Variants in ZFP14 observed in about 807,000 individuals in gnomAD.
ZFP14 encodes the protein zinc finger protein 14 homolog.
In ZFP14, 22 loss-of-function variants were observed where a neutral mutation model predicts 54.5. The ratio of observed to expected loss-of-function variants is 0.40; its 90% CI spans 0.29 to 0.58. The LOEUF is 0.58. Among genes scored for constraint, ZFP14 ranks in the 20% least tolerant of loss-of-function variants. The pLI is 0.39. For synonymous variants in ZFP14, 159 were observed against 204.0 expected, an observed-to-expected ratio of 0.78 and a Z score of 1.88; for missense variants, 470 against 637.8, an observed-to-expected ratio of 0.74 and a Z score of 2.83.
intron 4 of ZFP14, among the ~76,000 whole-genome samples, chr19:36,359,906 C>T (rs962783572): frequency 2.0e-4 from 30 of 152,090 alleles, no homozygotes; most frequent in African/African-American, 6.3e-4. Flanking sequence ...CAGCCTGCCT[C>T]GGCCTCCCAA....
intron 3 of ZFP14, 50 bp downstream of exon 3, chr19:36,362,062 T>C (rs527428310): frequency 1.0e-4 from 155 of 1,539,698 alleles, no homozygotes; most frequent in Admixed American, 8.1e-4. Context: ...AATATAGTCC[T>C]GAAATTGACA....
Position 36,379,167 on chromosome 19 carries a change from C to G in ZFP14, c.-84G>C, listed in dbSNP as rs1288951440. The G allele has an allele frequency of 6.5e-6, 1 of 152,738 alleles. No individual in the cohort carries two copies. 9.5% of individuals were successfully genotyped at this position (152,738 alleles called of 1,614,324 possible). A position where few individuals can be genotyped will look rare whatever the true frequency, so the allele number is the denominator to read the frequency against. ...CGGTGCAAGCGACCAACTCACCTCTCGGAGCCGACACCAGCAGCGAAGCCG... is the reference window on the plus strand; with the variant it reads ...CGGTGCAAGCGACCAACTCACCTCTGGGAGCCGACACCAGCAGCGAAGCCG... On this transcript the variant is annotated 5_prime_UTR_variant, in exon 1 of 5. Coordinates refer to ENST00000270001, the MANE Select transcript of ZFP14 (RefSeq NM_020917.3).
At chr19:36,346,186 G>T (rs551026029) in intron 4 of ZFP14, among the ~76,000 whole-genome samples, 9 of 152,200 alleles carry the variant, frequency 5.9e-5, no homozygotes, top group Admixed American at 3.3e-4. Context: ...TCGAAAGACT[G>T]AGGGAAAGAG....
intron 2 of ZFP14, among the ~76,000 whole-genome samples, chr19:36,367,383 T>C (rs1214253361): frequency 6.6e-6 from 1 of 152,134 alleles, no homozygotes; most frequent in African/African-American, 2.4e-5. Flanking sequence ...ACAGAAGATT[T>C]TGTAGGTAGG....
intron 4 of ZFP14, among the ~76,000 whole-genome samples, chr19:36,357,632 C>A (rs954693957): frequency 6.6e-6 from 1 of 152,236 alleles, no homozygotes; most frequent in South Asian, 2.1e-4. Flanking sequence ...CCCTTTAGTG[C>A]GTGTGTGGCA....
chr19:36,354,240 G>A (rs1417717298), intron 4 of ZFP14, among the ~76,000 whole-genome samples: 3 of 138,666 alleles, frequency 2.2e-5, no homozygotes, highest in East Asian at 2.2e-4. Context: ...GCACGGTGGT[G>A]GGCACCTGTA....
intron 4 of ZFP14, among the ~76,000 whole-genome samples, chr19:36,355,128 A>C (rs538224814): frequency 1.4e-5 from 2 of 143,728 alleles, no homozygotes; most frequent in Non-Finnish European, 3.1e-5. Flanking sequence ...CACAACACCT[A>C]GTTCCAACTA....
chr19:36,353,767 C>T (rs1330323990), intron 4 of ZFP14, among the ~76,000 whole-genome samples: 1 of 138,338 alleles, frequency 7.2e-6, no homozygotes, highest in African/African-American at 2.7e-5. Context: ...TTCTACTACA[C>T]TTAAAATAAA....
rs1308523351 is a variant in ZFP14 at position 36,349,231 on chromosome 19, C to CAAAAAA, written c.236-7647_236-7642dup. Among the ~76,000 whole-genome samples the CAAAAAA allele has an allele frequency of 5.6e-3, 24 of 4,254 alleles. 5 individuals carry two copies. Among genetic ancestry groups the CAAAAAA allele is most frequent in the East Asian group, 0.018 (3 of 168 alleles). 2.8% of individuals were successfully genotyped at this position (4,254 alleles called of 152,430 possible). On this transcript the variant is annotated intron_variant, in intron 4 of 4. Transcript: ENST00000270001. ...GGGCTATAAGAGGGGAACTCTGTCT[C>CAAAAAA]AAAAAAAAAAACAAAAAAAAAAAAA...
At chr19:36,344,978 G>A (rs1282754301) in intron 4 of ZFP14, among the ~76,000 whole-genome samples, 1 of 151,894 alleles carries the variant, frequency 6.6e-6, no homozygotes, top group Non-Finnish European at 1.5e-5. Flanking sequence ...TCAAACTTTT[G>A]TTGGCCGGGC....
At chr19:36,353,985 C>T (rs1277426581) in intron 4 of ZFP14, among the ~76,000 whole-genome samples, 1 of 132,762 alleles carries the variant, frequency 7.5e-6, no homozygotes. Flanking sequence ...TGAGGTGGGA[C>T]GATCACTTGA....
At chr19:36,355,261 C>T (rs1038273289) in intron 4 of ZFP14, among the ~76,000 whole-genome samples, 1 of 142,950 alleles carries the variant, frequency 7.0e-6, no homozygotes, top group African/African-American at 2.6e-5. Context: ...AACTCTGTTC[C>T]CCTAAAATTT....
At chr19:36,369,928 G>A (rs1054684590) in intron 1 of ZFP14, among the ~76,000 whole-genome samples, 19 of 152,192 alleles carry the variant, frequency 1.2e-4, no homozygotes, top group African/African-American at 4.1e-4. Context: ...TCGACCTCCC[G>A]GGCTCAAGCA....
At chr19:36,366,703 G>A (rs2031800125) in intron 2 of ZFP14, among the ~76,000 whole-genome samples, 1 of 152,090 alleles carries the variant, frequency 6.6e-6, no homozygotes, top group Admixed American at 6.6e-5. Flanking sequence ...TAGGTGGGTG[G>A]GGAGTGACTG....
At chr19:36,362,621 A>C (rs2945971) in intron 2 of ZFP14, among the ~76,000 whole-genome samples, 103,226 of 151,930 alleles carry the variant, frequency 0.68, 35,351 homozygotes, top group African/African-American at 0.76. Context: ...TGGCTATAAT[A>C]CCAGCACTTT....
intron 2 of ZFP14, among the ~76,000 whole-genome samples, chr19:36,363,189 C>CTTTTCTTTTCTT (rs1555755935): frequency 1.0e-5 from 1 of 97,738 alleles, no homozygotes; most frequent in East Asian, 2.9e-4. Context: ...CTTTTCTTTT[C>CTTTTCTTTTCTT]TTTTTTTTTT....
intron 1 of ZFP14, among the ~76,000 whole-genome samples, chr19:36,368,276 C>G (rs2031826078): frequency 6.6e-6 from 1 of 152,174 alleles, no homozygotes; most frequent in African/African-American, 2.4e-5. Flanking sequence ...CGAGACCAGC[C>G]TGACCAACAT....
chr19:36,373,239 T>C (rs2031907397), intron 1 of ZFP14, among the ~76,000 whole-genome samples: 1 of 150,616 alleles, frequency 6.6e-6, no homozygotes, highest in Non-Finnish European at 1.5e-5. Context: ...ATGGCGTCAT[T>C]GCACTCCAGC....
intron 4 of ZFP14, among the ~76,000 whole-genome samples, chr19:36,356,400 C>T (rs113974143): frequency 0.039 from 5,902 of 150,126 alleles, 356 homozygotes; most frequent in African/African-American, 0.14. Flanking sequence ...TGCACTCCAG[C>T]GTGGGTGACA....
Sources: gnomAD v4.1 joint callset for allele counts (sites outside exome capture counted in the v4.1 genomes callset) on GRCh38, gnomAD v4.1.1 for gene constraint, MANE v1.5 for transcripts, NCBI Gene and HGNC (gene_info 2026-07-23, HGNC 2026-07-21) for gene names.